ZDHHC14: variants seen among roughly 807,000 people sequenced by gnomAD.
ZDHHC14 encodes palmitoyltransferase ZDHHC14.
A neutral mutation model predicts 47.7 loss-of-function variants in ZDHHC14; 16 were observed. The ratio of observed to expected loss-of-function variants is 0.34; its 90% CI spans 0.23 to 0.51. The LOEUF (loss-of-function observed/expected upper bound fraction) is 0.51. ZDHHC14 is among the 20% of genes least tolerant of loss of function. ZDHHC14 has a pLI of 0.97. For missense variants in ZDHHC14, 515 were observed against 662.5 expected, an observed-to-expected ratio of 0.78 and a Z score of 2.44; for synonymous variants, 293 against 278.9, an observed-to-expected ratio of 1.05 and a Z score of -0.50.
intron 7 of ZDHHC14, among the ~76,000 whole-genome samples, chr6:157,647,899 C>T (rs567663586): frequency 5.3e-5 from 8 of 152,336 alleles, no homozygotes; most frequent in African/African-American, 1.9e-4. Flanking sequence ...TTAAGCTCTG[C>T]TCTAAGTTCT....
chr6:157,618,816 G>A (rs1294760553), intron 3 of ZDHHC14, among the ~76,000 whole-genome samples: 1 of 152,080 alleles, frequency 6.6e-6, no homozygotes, highest in African/African-American at 2.4e-5. Flanking sequence ...TATATTTGGG[G>A]AATTGTGGGA....
At chr6:157,657,991 C>T (rs979070810) in intron 8 of ZDHHC14, among the ~76,000 whole-genome samples, 10 of 152,174 alleles carry the variant, frequency 6.6e-5, no homozygotes, top group African/African-American at 2.4e-4. Flanking sequence ...ATATTCTTAC[C>T]TTGTAGGGTT....
At chr6:157,446,739 A>G (rs1210309456) in intron 1 of ZDHHC14, among the ~76,000 whole-genome samples, 1 of 152,096 alleles carries the variant, frequency 6.6e-6, no homozygotes. Context: ...TCCTTGACAT[A>G]TTGGCTGTAT....
intron 3 of ZDHHC14, among the ~76,000 whole-genome samples, chr6:157,599,724 C>T (rs1005230337): frequency 2.0e-5 from 3 of 152,158 alleles, no homozygotes; most frequent in Non-Finnish European, 4.4e-5. Flanking sequence ...TTAAGGGAAA[C>T]CATAAGAAAA....
chr6:157,578,077 A>G (rs1783374356), intron 2 of ZDHHC14, among the ~76,000 whole-genome samples: 2 of 151,958 alleles, frequency 1.3e-5, no homozygotes, highest in South Asian at 2.1e-4. Context: ...TAAGCTCCTT[A>G]CAGATTATGG....
intron 1 of ZDHHC14, among the ~76,000 whole-genome samples, chr6:157,531,097 C>A (rs556524970): frequency 6.6e-6 from 1 of 152,284 alleles, no homozygotes; most frequent in East Asian, 1.9e-4. Flanking sequence ...TCTCGGTGTT[C>A]ATTGCTTCAC....
chr6:157,440,078 T>C (rs577454749), intron 1 of ZDHHC14, among the ~76,000 whole-genome samples: 3 of 152,176 alleles, frequency 2.0e-5, no homozygotes, highest in South Asian at 4.2e-4. Flanking sequence ...ACCTAGGTGA[T>C]AGGTTGATCT....
At chr6:157,665,750 G>T (rs542049437) in intron 8 of ZDHHC14, among the ~76,000 whole-genome samples, 21 of 152,334 alleles carry the variant, frequency 1.4e-4, no homozygotes, top group Non-Finnish European at 2.6e-4. Context: ...AAAATTCAGT[G>T]TTAGTGTATC....
intron 1 of ZDHHC14, among the ~76,000 whole-genome samples, chr6:157,486,001 A>G (rs1384066878): frequency 1.3e-5 from 2 of 152,212 alleles, no homozygotes; most frequent in Non-Finnish European, 2.9e-5. Flanking sequence ...TGACAGAGTG[A>G]AACTCGGTGC....
At chr6:157,505,467 A>G (rs1189940058) in intron 1 of ZDHHC14, among the ~76,000 whole-genome samples, 2 of 152,242 alleles carry the variant, frequency 1.3e-5, no homozygotes, top group African/African-American at 4.8e-5. Context: ...AGAAGTCCAC[A>G]TCATCTCAAT....
chr6:157,492,666 C>T (rs764218286), intron 1 of ZDHHC14, among the ~76,000 whole-genome samples: 12 of 152,322 alleles, frequency 7.9e-5, no homozygotes, highest in Non-Finnish European at 1.3e-4. Context: ...AAGCAAAGCC[C>T]CTGGCCTCAT....
chr6:157,512,865 T>C (rs1053157794), intron 1 of ZDHHC14, among the ~76,000 whole-genome samples: 2 of 152,242 alleles, frequency 1.3e-5, no homozygotes, highest in Admixed American at 6.5e-5. Context: ...TTATTTATTT[T>C]ATAGATTCCA....
chr6:157,533,172 T>C (rs1213356682), intron 1 of ZDHHC14, among the ~76,000 whole-genome samples: 3 of 152,200 alleles, frequency 2.0e-5, no homozygotes, highest in Non-Finnish European at 4.4e-5. Context: ...CAAATAGTTA[T>C]TGTAAGGTCA....
intron 1 of ZDHHC14, among the ~76,000 whole-genome samples, chr6:157,404,315 C>G (rs903572009): frequency 6.6e-6 from 1 of 151,888 alleles, no homozygotes; most frequent in African/African-American, 2.4e-5. Context: ...TTTTGTTTTT[C>G]GTAGAGGTGG....
intron 1 of ZDHHC14, among the ~76,000 whole-genome samples, chr6:157,397,901 G>C (rs1408900800): frequency 1.3e-5 from 2 of 152,132 alleles, no homozygotes; most frequent in Non-Finnish European, 1.5e-5. Flanking sequence ...TTGCAGATGG[G>C]TCCGCCACCC....
intron 1 of ZDHHC14, among the ~76,000 whole-genome samples, chr6:157,400,042 T>C (rs1227266775): frequency 2.6e-5 from 4 of 152,250 alleles, no homozygotes; most frequent in Admixed American, 6.5e-5. Flanking sequence ...CTGAAATACA[T>C]TGTGAACCAT....
intron 1 of ZDHHC14, among the ~76,000 whole-genome samples, chr6:157,483,268 G>A (rs2114717985): frequency 6.6e-6 from 1 of 152,254 alleles, no homozygotes; most frequent in African/African-American, 2.4e-5. Context: ...TCATTCTTTA[G>A]AAATATTGGT....
intron 5 of ZDHHC14, among the ~76,000 whole-genome samples, chr6:157,634,273 A>G (rs550224233): frequency 1.3e-5 from 2 of 152,286 alleles, no homozygotes; most frequent in South Asian, 4.1e-4. Flanking sequence ...AGGAAGATGT[A>G]CAAAGGGGAC....
chr6:157,539,791 G>C (rs80325096), intron 1 of ZDHHC14, among the ~76,000 whole-genome samples: 2 of 152,114 alleles, frequency 1.3e-5, no homozygotes, highest in African/African-American at 4.8e-5. Context: ...TGCAGCTGGC[G>C]AGCTGGGGTA....
Sources: allele counts gnomAD v4.1 joint callset (sites outside exome capture counted in the v4.1 genomes callset), GRCh38; gene constraint gnomAD v4.1.1; transcripts MANE v1.5; gene names NCBI Gene and HGNC (gene_info 2026-07-23, HGNC 2026-07-21).